The following EYA4 variants were observed in gnomAD, a reference collection of about 807,000 sequenced individuals.
EYA4 encodes the protein EYA transcriptional coactivator and phosphatase 4.
A neutral mutation model predicts 87.9 loss-of-function variants in EYA4; 31 were observed. The observed-to-expected ratio is 0.35, with a 90% CI of 0.27 to 0.48. The LOEUF (loss-of-function observed/expected upper bound fraction) is 0.48. Among genes scored for constraint, EYA4 ranks in the 20% least tolerant of loss-of-function variants. EYA4 has a pLI of 0.99. For synonymous variants in EYA4, 263 were observed against 270.6 expected (o/e 0.97, Z 0.28); for missense variants, 678 against 761.4 (o/e 0.89, Z 1.29).
At chr6:133,424,344 C>G (rs1790464610) in intron 3 of EYA4, among the ~76,000 whole-genome samples, 1 of 152,174 alleles carries the variant, frequency 6.6e-6, no homozygotes. Context: ...AGCCTTCAGG[C>G]CCTCACTGGC....
chr6:133,287,775 G>A (rs541407060), intron 2 of EYA4, among the ~76,000 whole-genome samples: 76 of 152,302 alleles, frequency 5.0e-4, no homozygotes, highest in South Asian at 2.7e-3. Flanking sequence ...ACTGAAGGTG[G>A]GAAATTGAGA....
In EYA4 at chr6:133,512,880, C is replaced by T; in HGVS notation, c.1343C>T (p.Thr448Ile). Residue 448 changes from threonine (T) to isoleucine (I), a missense_variant and splice_region_variant, in exon 16 of 20, where the codon ACC becomes ATC. Transcript: ENST00000355286. ...SSDDNGQDLS[T>I]YSFATDGFHA... ...TTAATGTATTTTGGGTGTTACAGTA[C>T]CTACAGTTTTGCAACTGATGGCTTC... The T allele has an allele frequency of 6.2e-7, 1 of 1,613,996 alleles. No homozygotes were observed.
chr6:133,342,334 T>G (rs1235815913), intron 2 of EYA4, among the ~76,000 whole-genome samples: 1 of 141,436 alleles, frequency 7.1e-6, no homozygotes, highest in Non-Finnish European at 1.5e-5. Context: ...AAAGGGAGGG[T>G]CCAGTACCCA....
chr6:133,382,360 A>G (rs747679765), intron 2 of EYA4, 32 bp from the exon 3 acceptor site: 6 of 1,509,872 alleles, frequency 4.0e-6, no homozygotes, highest in Middle Eastern at 1.7e-4. Flanking sequence ...TTGTATTTTC[A>G]TATGAGAATA....
chr6:133,276,277 T>A (rs1295228108), intron 2 of EYA4, among the ~76,000 whole-genome samples: 1 of 152,188 alleles, frequency 6.6e-6, no homozygotes, highest in Admixed American at 6.5e-5. Context: ...TGACCAACGT[T>A]TTTTTGTTGC....
intron 3 of EYA4, among the ~76,000 whole-genome samples, chr6:133,412,156 T>C (rs1789298971): frequency 6.6e-6 from 1 of 152,246 alleles, no homozygotes; most frequent in Admixed American, 6.5e-5. Flanking sequence ...TTTACTAATA[T>C]TTGCAAAACC....
intron 1 of EYA4, among the ~76,000 whole-genome samples, chr6:133,257,576 A>G (rs1353587824): frequency 1.3e-5 from 2 of 152,178 alleles, no homozygotes; most frequent in African/African-American, 4.8e-5. Flanking sequence ...TTGCCTATTA[A>G]TCAGGGAAGC....
intron 13 of EYA4, among the ~76,000 whole-genome samples, chr6:133,496,907 A>G (rs1378250743): frequency 6.6e-6 from 1 of 152,182 alleles, no homozygotes; most frequent in Admixed American, 6.5e-5. Context: ...CAGTGGCCTC[A>G]AGTATAGTGA....
At chr6:133,338,288 C>G (rs1782527597) in intron 2 of EYA4, among the ~76,000 whole-genome samples, 1 of 152,014 alleles carries the variant, frequency 6.6e-6, no homozygotes, top group Non-Finnish European at 1.5e-5. Flanking sequence ...AAAAAAAGGT[C>G]ACTACATCAA....
At chr6:133,369,865 T>C (rs1562339942) in intron 2 of EYA4, among the ~76,000 whole-genome samples, 1 of 152,240 alleles carries the variant, frequency 6.6e-6, no homozygotes, top group South Asian at 2.1e-4. Context: ...AGTCAGGAGA[T>C]GTGGCTTCAT....
intron 11 of EYA4, among the ~76,000 whole-genome samples, chr6:133,479,173 A>T (rs974018182): frequency 4.6e-5 from 7 of 152,170 alleles, no homozygotes; most frequent in African/African-American, 9.7e-5. Context: ...AAAAATAATT[A>T]AAAATGGAAC....
intron 10 of EYA4, among the ~76,000 whole-genome samples, chr6:133,466,390 A>G (rs1794842817): frequency 6.6e-6 from 1 of 152,114 alleles, no homozygotes; most frequent in Non-Finnish European, 1.5e-5. Flanking sequence ...CCTGAGCACC[A>G]GTTTGTTGTT....
intron 3 of EYA4, among the ~76,000 whole-genome samples, chr6:133,398,687 A>G (rs1788007991): frequency 6.6e-6 from 1 of 152,194 alleles, no homozygotes; most frequent in African/African-American, 2.4e-5. Context: ...AGAAGACTCT[A>G]AGTAGAGCCC....
intron 2 of EYA4, among the ~76,000 whole-genome samples, chr6:133,324,144 CCAAA>C (rs1562289850): frequency 6.6e-6 from 1 of 151,992 alleles, no homozygotes; most frequent in Non-Finnish European, 1.5e-5. Context: ...CCACTGCTGT[CCAAA>C]CAGTCATTTT....
intron 11 of EYA4, among the ~76,000 whole-genome samples, chr6:133,476,665 G>T (rs1795762941): frequency 6.6e-6 from 1 of 152,076 alleles, no homozygotes; most frequent in African/African-American, 2.4e-5. Context: ...TGAACACTTA[G>T]GTTGACTCCA....
Position 133,419,033 on chromosome 6 carries a change from T to C in EYA4, c.84-27597T>C, listed in dbSNP as rs563543257. ...TAGGACATAGGGTGGCCTTTCTCTC[T>C]TTTTATAAGGGTATAATTATCCAGT... On this transcript the variant is annotated intron_variant, in intron 3 of 19. Transcript: ENST00000355286. Among the ~76,000 whole-genome samples the C allele has an allele frequency of 6.6e-5, 10 of 152,324 alleles. No individual in the cohort carries two copies. The East Asian group carries it at 1.5e-3, about 23-fold the overall frequency.
intron 2 of EYA4, among the ~76,000 whole-genome samples, chr6:133,321,393 G>A (rs1236578477): frequency 1.3e-5 from 2 of 152,096 alleles, no homozygotes; most frequent in African/African-American, 2.4e-5. Flanking sequence ...AGATGATGGA[G>A]CCTCTCAGTT....
intron 3 of EYA4, among the ~76,000 whole-genome samples, chr6:133,436,184 A>C (rs1291962053): frequency 6.6e-6 from 1 of 150,904 alleles, no homozygotes; most frequent in Non-Finnish European, 1.5e-5. Context: ...GTGCCGTTGC[A>C]CTCCAGCTCT....
chr6:133,401,813 T>C (rs1453054354), intron 3 of EYA4, among the ~76,000 whole-genome samples: 1 of 152,188 alleles, frequency 6.6e-6, no homozygotes, highest in Non-Finnish European at 1.5e-5. Context: ...CCTATTGAAA[T>C]GTGGCACAAT....
Sources: allele counts gnomAD v4.1 joint callset (sites outside exome capture counted in the v4.1 genomes callset), GRCh38; gene constraint gnomAD v4.1.1; transcripts MANE v1.5; gene names NCBI Gene and HGNC (gene_info 2026-07-23, HGNC 2026-07-21).